MECOM: variants seen among roughly 807,000 people sequenced by gnomAD.
The protein encoded by MECOM is histone-lysine N-methyltransferase MECOM.
A neutral mutation model predicts 116.3 loss-of-function variants in MECOM; 13 were observed. The ratio of observed to expected loss-of-function variants is 0.11; its 90% CI spans 0.07 to 0.18. The LOEUF (loss-of-function observed/expected upper bound fraction) is 0.18. MECOM is among the 10% of genes least tolerant of loss of function. The pLI, the probability that MECOM is intolerant of heterozygous loss-of-function variation, is 1.00. For synonymous variants in MECOM, 528 were observed against 535.2 expected (o/e 0.99, Z 0.19); for missense variants, 1,299 against 1,509.0 (o/e 0.86, Z 2.31).
intron 2 of MECOM, among the ~76,000 whole-genome samples, chr3:169,243,045 C>A (rs969345443): frequency 5.9e-5 from 9 of 152,080 alleles, no homozygotes; most frequent in Non-Finnish European, 1.0e-4. Context: ...GAATGCAAAC[C>A]TACATGCTAA....
intron 1 of MECOM, among the ~76,000 whole-genome samples, chr3:169,633,575 A>G (rs745807597): frequency 3.3e-5 from 5 of 152,178 alleles, no homozygotes; most frequent in Non-Finnish European, 7.3e-5. Context: ...AGGATCTAGC[A>G]CTGCCTGTTT....
In MECOM at chr3:169,520,111, C is replaced by T. The variant is rs139543674; in HGVS notation, c.38-138587G>A. Among the ~76,000 whole-genome samples the T allele has an allele frequency of 6.1e-3, 933 of 152,318 alleles. 11 individuals are homozygous for T. Among genetic ancestry groups the T allele is most frequent in the Middle Eastern group, 0.017 (5 of 294 alleles). ...GAACCACAGTAAGAAGAGAGATGAT[C>T]TGAGAATGTAACCAACATGGAAGAA... is the stretch of plus-strand genomic sequence containing the variant. On this transcript the variant is annotated intron_variant, in intron 1 of 16. Transcript: ENST00000651503.
intron 2 of MECOM, among the ~76,000 whole-genome samples, chr3:169,182,745 C>T (rs374403395): frequency 6.6e-5 from 10 of 152,198 alleles, no homozygotes; most frequent in Middle Eastern, 3.4e-3. Context: ...TTAATGGCAA[C>T]GTTACGGAAG....
chr3:169,578,917 G>A (rs554139545), intron 1 of MECOM, among the ~76,000 whole-genome samples: 2 of 152,288 alleles, frequency 1.3e-5, no homozygotes, highest in East Asian at 1.9e-4. Context: ...CATTTCCCAA[G>A]CTATTTGCCT....
chr3:169,360,290 T>TAAAAAAA (rs1203615730), intron 2 of MECOM, among the ~76,000 whole-genome samples: 2 of 29,526 alleles, frequency 6.8e-5, no homozygotes, highest in African/African-American at 8.7e-5. Context: ...TAAAGTATAA[T>TAAAAAAA]AAAAAAAAAA....
At chr3:169,584,771 T>C (rs1765587514) in intron 1 of MECOM, among the ~76,000 whole-genome samples, 1 of 152,168 alleles carries the variant, frequency 6.6e-6, no homozygotes, top group Non-Finnish European at 1.5e-5. Context: ...CCTTTCTCTG[T>C]AATCAATAAT....
intron 1 of MECOM, among the ~76,000 whole-genome samples, chr3:169,505,327 CAT>C (rs1755067488): frequency 6.7e-6 from 1 of 148,472 alleles, no homozygotes; most frequent in Non-Finnish European, 1.5e-5. Flanking sequence ...TTTTTGCCAA[CAT>C]GTGGTATTTT....
At chr3:169,378,230 GT>G (rs1176931896) in intron 2 of MECOM, among the ~76,000 whole-genome samples, 1 of 150,992 alleles carries the variant, frequency 6.6e-6, no homozygotes, top group Non-Finnish European at 1.5e-5. Flanking sequence ...TAGATGACGG[GT>G]TGATGGGTGC....
chr3:169,124,427 T>C (rs367770715), intron 5 of MECOM, among the ~76,000 whole-genome samples: 73 of 152,090 alleles, frequency 4.8e-4, no homozygotes, highest in African/African-American at 1.8e-3. Flanking sequence ...GGGGGAGCCT[T>C]TAGATTCAAA....
At chr3:169,660,270 G>A (rs1045389643) in intron 1 of MECOM, among the ~76,000 whole-genome samples, 5 of 152,090 alleles carry the variant, frequency 3.3e-5, no homozygotes, top group African/African-American at 1.2e-4. Context: ...TAAAATTCAG[G>A]GGCGTTAGGC....
chr3:169,567,782 A>T (rs1420557802), intron 1 of MECOM, among the ~76,000 whole-genome samples: 1 of 152,224 alleles, frequency 6.6e-6, no homozygotes, highest in Non-Finnish European at 1.5e-5. Flanking sequence ...CTTATTTCTT[A>T]GACAGTTAAA....
intron 1 of MECOM, among the ~76,000 whole-genome samples, chr3:169,515,644 T>C (rs1756530896): frequency 6.6e-6 from 1 of 152,164 alleles, no homozygotes; most frequent in South Asian, 2.1e-4. Flanking sequence ...CATTTTCAGA[T>C]GAAGTCCTTT....
intron 1 of MECOM, among the ~76,000 whole-genome samples, chr3:169,621,373 C>T (rs983531032): frequency 2.6e-5 from 4 of 152,216 alleles, no homozygotes; most frequent in Admixed American, 2.0e-4. Context: ...AGAAAGTACT[C>T]CATAAATGTA....
At chr3:169,419,518 A>ATCAGC (rs1452439501) in intron 1 of MECOM, among the ~76,000 whole-genome samples, 1 of 152,158 alleles carries the variant, frequency 6.6e-6, no homozygotes, top group Non-Finnish European at 1.5e-5. Flanking sequence ...CAGTAACCAA[A>ATCAGC]TCAGCATGGT....
chr3:169,633,201 A>G (rs571199612), intron 1 of MECOM, among the ~76,000 whole-genome samples: 1 of 152,302 alleles, frequency 6.6e-6, no homozygotes, highest in African/African-American at 2.4e-5. Context: ...TGGAACAACA[A>G]AACGGTACAT....
intron 1 of MECOM, among the ~76,000 whole-genome samples, chr3:169,407,237 A>G (rs1181817888): frequency 6.6e-6 from 1 of 152,198 alleles, no homozygotes; most frequent in Non-Finnish European, 1.5e-5. Flanking sequence ...AAATTTGACA[A>G]TAACTAATAT....
intron 1 of MECOM, among the ~76,000 whole-genome samples, chr3:169,468,310 C>T (rs1230729620): frequency 6.6e-6 from 1 of 152,120 alleles, no homozygotes; most frequent in Non-Finnish European, 1.5e-5. Context: ...ATTTTTCTAA[C>T]TCTTCATACA....
At chr3:169,362,418 A>C (rs939671596) in intron 2 of MECOM, among the ~76,000 whole-genome samples, 5 of 151,872 alleles carry the variant, frequency 3.3e-5, no homozygotes, top group African/African-American at 1.2e-4. Context: ...GACTTGTGCA[A>C]AAATTCAAGG....
intron 1 of MECOM, among the ~76,000 whole-genome samples, chr3:169,600,421 A>G (rs991713234): frequency 3.3e-5 from 5 of 152,202 alleles, no homozygotes; most frequent in Admixed American, 2.6e-4. Flanking sequence ...TAAATATATA[A>G]TAGGAAGGTA....
Sources: gnomAD v4.1 joint callset for allele counts (sites outside exome capture counted in the v4.1 genomes callset) on GRCh38, gnomAD v4.1.1 for gene constraint, MANE v1.5 for transcripts, NCBI Gene and HGNC (gene_info 2026-07-23, HGNC 2026-07-21) for gene names.